PTPRG: variants seen among roughly 807,000 people sequenced by gnomAD.
The protein encoded by PTPRG is protein tyrosine phosphatase receptor type G.
Under a neutral mutation model 165.3 loss-of-function variants are expected in PTPRG, and 102 were observed. The ratio of observed to expected loss-of-function variants is 0.62; its 90% CI spans 0.53 to 0.73. The LOEUF is 0.73. PTPRG is among the 30% of genes least tolerant of loss of function. The probability of loss-of-function intolerance (pLI) is 0.00; values close to 1 mark genes in which losing one functional copy is unlikely to be tolerated. For missense variants in PTPRG, 1,866 were observed against 1,861.4 expected, an observed-to-expected ratio of 1.00 and a Z score of -0.05; for synonymous variants, 675 against 669.5, an observed-to-expected ratio of 1.01 and a Z score of -0.13.
At chr3:62,028,190 C>T (rs750719895) in intron 4 of PTPRG, among the ~76,000 whole-genome samples, 49 of 152,126 alleles carry the variant, frequency 3.2e-4, no homozygotes, top group Middle Eastern at 3.4e-3. Context: ...TTAAAGATGC[C>T]CTTTTAATAT....
At chr3:61,605,631 T>TGATCATAGCTTACTGCTGC (rs1406193982) in intron 1 of PTPRG, among the ~76,000 whole-genome samples, 1 of 152,132 alleles carries the variant, frequency 6.6e-6, no homozygotes, top group Non-Finnish European at 1.5e-5. Flanking sequence ...TGCAGTGCTG[T>TGATCATAGCTTACTGCTGC]GATCATAGCT....
At chr3:61,859,953 A>T (rs2037215619) in intron 2 of PTPRG, among the ~76,000 whole-genome samples, 2 of 152,196 alleles carry the variant, frequency 1.3e-5, no homozygotes, top group South Asian at 2.1e-4. Flanking sequence ...TTATTCTTTC[A>T]TAAGCAACTG....
chr3:62,218,892 G>A lies in PTPRG; in HGVS notation c.2197G>A (p.Gly733Arg), dbSNP rs752376773. ...TSGMISRPAP[G>R]RMEWIIPLIV... ...TGGAATGATAAGCCGCCCTGCTCCA[G>A]GGAGGATGGAGTGGATCATCCCTCT... The change falls in exon 13 of 30, where the codon GGG (glycine) becomes AGG (arginine). Residue 733 changes from glycine to arginine, a missense_variant. Around this residue, in one of 3 missense-constraint regions of PTPRG, gnomAD observed 1,452 missense variants for 1,463.0 expected, o/e 0.99. Coordinates refer to ENST00000474889, the MANE Select transcript of PTPRG (RefSeq NM_002841.4). 2.0e-5 allele frequency: 33 copies of A among 1,613,952 alleles called. No homozygotes were observed. Among genetic ancestry groups the A allele is most frequent in the Non-Finnish European group, 2.7e-5 (32 of 1,179,952 alleles).
intron 6 of PTPRG, among the ~76,000 whole-genome samples, chr3:62,155,868 A>G (rs1482212302): frequency 3.9e-5 from 6 of 152,136 alleles, no homozygotes; most frequent in African/African-American, 1.2e-4. Context: ...AGGTGTGTCT[A>G]TGAGGTCACC....
rs1702254350 is a variant in PTPRG, at chr3:62,277,042, T to C, written c.3630T>C (p.Tyr1210=). The C allele has an allele frequency of 2.5e-6, 4 of 1,611,630 alleles. No individual in the cohort carries two copies. The South Asian group carries it at 4.4e-5, about 18-fold the overall frequency. Residue 1210 remains tyrosine, a synonymous_variant, in exon 25 of 30, where the codon TAT becomes TAC. Transcript: ENST00000474889. ...GAACAGATTACATTAATGCTTCTTATATCATGGTGAGAGTCAACAGTTAAT... is the reference window on the plus strand; with the variant it reads ...GAACAGATTACATTAATGCTTCTTACATCATGGTGAGAGTCAACAGTTAAT... ...MKGTDYINAS[Y]IMGYYRSNEF... is the part of the protein sequence containing the mutation.
At chr3:62,048,496 C>T (rs1026458453) in intron 4 of PTPRG, among the ~76,000 whole-genome samples, 44 of 152,180 alleles carry the variant, frequency 2.9e-4, no homozygotes, top group African/African-American at 9.9e-4. Flanking sequence ...AAACTGCAAT[C>T]GCTATGTGTA....
At chr3:62,285,452 A>T (rs964815340) in intron 28 of PTPRG, among the ~76,000 whole-genome samples, 1 of 127,174 alleles carries the variant, frequency 7.9e-6, no homozygotes. Flanking sequence ...TTAGTGTGCA[A>T]ATGTTGTGAC....
At chr3:61,745,363 G>C (rs1184024407) in intron 1 of PTPRG, among the ~76,000 whole-genome samples, 3 of 152,158 alleles carry the variant, frequency 2.0e-5, no homozygotes, top group Non-Finnish European at 4.4e-5. Context: ...CCTCACTGTT[G>C]ATGAACACAC....
intron 28 of PTPRG, among the ~76,000 whole-genome samples, chr3:62,289,697 A>AT (rs1268558438): frequency 7.3e-5 from 6 of 82,110 alleles, no homozygotes; most frequent in Admixed American, 1.6e-4. Flanking sequence ...CCCATTCATG[A>AT]TCCCCCCCCC....
chr3:62,037,571 G>A (rs953708454), intron 4 of PTPRG, among the ~76,000 whole-genome samples: 1 of 152,126 alleles, frequency 6.6e-6, no homozygotes, highest in Non-Finnish European at 1.5e-5. Context: ...CAGGTTACAT[G>A]GACCTACTCT....
intron 28 of PTPRG, among the ~76,000 whole-genome samples, chr3:62,288,615 G>T (rs1441921235): frequency 6.6e-6 from 1 of 151,374 alleles, no homozygotes. Flanking sequence ...AGAGGTTGCA[G>T]TGAACCAAGA....
chr3:61,566,738 C>T (rs546272626), intron 1 of PTPRG, among the ~76,000 whole-genome samples: 1 of 152,328 alleles, frequency 6.6e-6, no homozygotes, highest in Non-Finnish European at 1.5e-5. Flanking sequence ...AACTCCTGAC[C>T]TCAGGTGCTC....
At chr3:61,866,580 C>CTTTTTTTTTTTTTTTTTT (rs1452043369) in intron 2 of PTPRG, among the ~76,000 whole-genome samples, 1 of 80,460 alleles carries the variant, frequency 1.2e-5, no homozygotes, top group Non-Finnish European at 2.5e-5. Context: ...GAACTGTTTG[C>CTTTTTTTTTTTTTTTTTT]TCTTTTTTTT....
At chr3:62,099,618 T>A (rs1702221141) in intron 5 of PTPRG, among the ~76,000 whole-genome samples, 1 of 152,068 alleles carries the variant, frequency 6.6e-6, no homozygotes, top group African/African-American at 2.4e-5. Flanking sequence ...TTTAATGACA[T>A]GAGCCATGTT....
intron 1 of PTPRG, among the ~76,000 whole-genome samples, chr3:61,699,434 G>A (rs1173139205): frequency 1.3e-5 from 2 of 152,044 alleles, no homozygotes; most frequent in Non-Finnish European, 2.9e-5. Context: ...AGTATCTTGG[G>A]GACCCACAGG....
intron 5 of PTPRG, among the ~76,000 whole-genome samples, chr3:62,085,867 T>C (rs1188973414): frequency 6.6e-6 from 1 of 152,310 alleles, no homozygotes; most frequent in East Asian, 1.9e-4. Flanking sequence ...ATCCTCAGAA[T>C]TGTGTCCTGC....
chr3:61,909,068 G>C (rs1299096495), intron 2 of PTPRG, among the ~76,000 whole-genome samples: 1 of 152,122 alleles, frequency 6.6e-6, no homozygotes, highest in South Asian at 2.1e-4. Flanking sequence ...TGATAACTGG[G>C]TACTTTTAAT....
chr3:61,659,222 C>T (rs1297078350), intron 1 of PTPRG: 23 of 765,120 alleles, frequency 3.0e-5, no homozygotes, highest in African/African-American at 9.4e-5. Flanking sequence ...GCTCCATAGC[C>T]GTCAGCCTGA....
At chr3:61,816,966 G>A (rs1346057670) in intron 2 of PTPRG, among the ~76,000 whole-genome samples, 1 of 136,624 alleles carries the variant, frequency 7.3e-6, no homozygotes, top group East Asian at 2.0e-4. Context: ...GAGAGTTTCA[G>A]TAATCACTTA....
Sources: gnomAD v4.1 joint callset for allele counts (sites outside exome capture counted in the v4.1 genomes callset) on GRCh38, gnomAD v4.1.1 for gene constraint, gnomAD v4.1.1 regional missense constraint, MANE v1.5 for transcripts, NCBI Gene and HGNC (gene_info 2026-07-23, HGNC 2026-07-21) for gene names.